The following SHANK2 variants were observed in gnomAD, a reference collection of about 807,000 sequenced individuals.
SHANK2 encodes the protein SH3 and multiple ankyrin repeat domains 2.
A neutral mutation model predicts 133.7 loss-of-function variants in SHANK2; 43 were observed. The ratio of observed to expected loss-of-function variants is 0.32; its 90% CI spans 0.25 to 0.41. The LOEUF is 0.41. Ranked by LOEUF, SHANK2 falls within the 10% of genes least tolerant of loss-of-function variation. SHANK2 has a pLI of 1.00. For missense variants in SHANK2, 1,994 were observed against 2,235.8 expected, an observed-to-expected ratio of 0.89 and a Z score of 2.18; for synonymous variants, 1,017 against 952.8, an observed-to-expected ratio of 1.07 and a Z score of -1.24.
chr11:71,237,393 A>G (rs1555123849), intron 1 of SHANK2, among the ~76,000 whole-genome samples: 2 of 152,176 alleles, frequency 1.3e-5, no homozygotes, highest in African/African-American at 4.8e-5. Flanking sequence ...ATTGCCTTTG[A>G]CCACTGTTTT....
At chr11:70,783,526 A>G (rs880002905) in intron 14 of SHANK2, among the ~76,000 whole-genome samples, 6 of 152,162 alleles carry the variant, frequency 3.9e-5, no homozygotes, top group Non-Finnish European at 8.8e-5. Flanking sequence ...GCACACGCCA[A>G]TCCTGTCTCC....
intron 17 of SHANK2, among the ~76,000 whole-genome samples, chr11:70,550,053 C>T (rs1234323524): frequency 6.6e-6 from 1 of 152,134 alleles, no homozygotes; most frequent in Non-Finnish European, 1.5e-5. Flanking sequence ...GGCCACCACC[C>T]CAGAAGCCAG....
intron 12 of SHANK2, among the ~76,000 whole-genome samples, chr11:70,816,286 T>C (rs1270025787): frequency 6.6e-6 from 1 of 152,234 alleles, no homozygotes; most frequent in Non-Finnish European, 1.5e-5. Flanking sequence ...AGCAAGTGAC[T>C]TGCCCAAGGT....
At chr11:70,876,241 T>TATATACACACAC in intron 11 of SHANK2, among the ~76,000 whole-genome samples, 1 of 14,864 alleles carries the variant, frequency 6.7e-5, no homozygotes, top group Non-Finnish European at 3.3e-4. Flanking sequence ...CACACACATA[T>TATATACACACAC]AGACACACAC....
intron 8 of SHANK2, among the ~76,000 whole-genome samples, chr11:71,077,770 G>GGGCTCTGCACACAC (rs1431829541): frequency 4.1e-4 from 63 of 152,210 alleles, no homozygotes; most frequent in African/African-American, 1.4e-3. Context: ...GCTGCACGCA[G>GGGCTCTGCACACAC]GGCTCTGCAC....
intron 2 of SHANK2, among the ~76,000 whole-genome samples, chr11:71,178,366 C>T (rs1332445647): frequency 6.6e-6 from 1 of 152,136 alleles, no homozygotes; most frequent in Non-Finnish European, 1.5e-5. Context: ...ATATGAGGTA[C>T]CTAGAATAGC....
At chr11:70,657,018 A>G (rs1555011794) in intron 17 of SHANK2, among the ~76,000 whole-genome samples, 2 of 152,244 alleles carry the variant, frequency 1.3e-5, no homozygotes, top group East Asian at 3.9e-4. Context: ...ATGAAGTTCT[A>G]GAGATACCAA....
intron 14 of SHANK2, among the ~76,000 whole-genome samples, chr11:70,750,536 G>T (rs1018574057): frequency 6.6e-6 from 1 of 152,192 alleles, no homozygotes; most frequent in Non-Finnish European, 1.5e-5. Flanking sequence ...GCAAAGCAGG[G>T]AAATTAATTA....
rs569519830 is a variant in SHANK2, at chr11:70,469,626, A to G, written c.*3243T>C. ...TTACACAAACTATAGTGTGAAACAT[A>G]TTAGTATTTAAAAAACAAAAAAAAA... On this transcript the variant is annotated 3_prime_UTR_variant, in exon 26 of 26. Transcript: ENST00000601538. The G allele has an allele frequency of 2.0e-5, 3 of 152,606 alleles. No homozygotes were observed. The South Asian group carries it at 6.2e-4, about 32-fold the overall frequency. The allele number at this position is 152,606 out of a possible 1,614,324, so 9.5% of individuals were successfully genotyped here.
rs1217012371 is a variant in SHANK2, at chr11:71,252,251, C to T, written c.-113+174G>A. ...CCCCCACCTGGACACGCGGCTCACT[C>T]CCCCCAGCGCCCACCTCTCCAGCCT... On this transcript the variant is annotated intron_variant, in intron 1 of 25. Coordinates refer to ENST00000601538, the MANE Select transcript of SHANK2 (RefSeq NM_012309.5). This position sits in a 1 kb window ranked among gnomAD's most constrained non-coding sequence, Gnocchi z 6.3. Among the ~76,000 whole-genome samples the T allele has an allele frequency of 1.3e-5, 2 of 152,096 alleles. No individual in the cohort carries two copies. Among genetic ancestry groups the T allele is most frequent in the Non-Finnish European group, 2.9e-5 (2 of 67,994 alleles).
chr11:71,108,259 C>T (rs1352159241), intron 6 of SHANK2, among the ~76,000 whole-genome samples: 3 of 152,220 alleles, frequency 2.0e-5, no homozygotes, highest in Non-Finnish European at 4.4e-5. Context: ...CAGCGCAGCA[C>T]GAGACGCATC....
At chr11:70,782,472 CT>C (rs1287863971) in intron 14 of SHANK2, among the ~76,000 whole-genome samples, 6 of 152,236 alleles carry the variant, frequency 3.9e-5, no homozygotes, top group Non-Finnish European at 8.8e-5. Context: ...CCCAGTCGAG[CT>C]GCCCTGCTGT....
At chr11:70,705,874 C>T (rs553606707) in intron 14 of SHANK2, 1 of 152,174 alleles carries the variant, frequency 6.6e-6, no homozygotes, top group African/African-American at 2.4e-5. Flanking sequence ...TGCTTCCATG[C>T]TTGCCCTTCC....
intron 2 of SHANK2, among the ~76,000 whole-genome samples, chr11:71,167,740 C>T (rs1308919303): frequency 3.7e-5 from 5 of 135,212 alleles, no homozygotes; most frequent in Admixed American, 1.4e-4. Flanking sequence ...CCAGTAGGGG[C>T]GGCCGGGCAG....
intron 14 of SHANK2, among the ~76,000 whole-genome samples, chr11:70,701,793 A>G (rs1169035990): frequency 2.6e-5 from 4 of 152,192 alleles, no homozygotes; most frequent in African/African-American, 9.7e-5. Context: ...TGGTTCCCAG[A>G]AACAGTTATA....
At chr11:70,841,432 C>T (rs1948902753) in intron 11 of SHANK2, among the ~76,000 whole-genome samples, 1 of 152,210 alleles carries the variant, frequency 6.6e-6, no homozygotes, top group Non-Finnish European at 1.5e-5. Flanking sequence ...GCAGAGGAGT[C>T]CAAGGTTCAG....
intron 8 of SHANK2, among the ~76,000 whole-genome samples, chr11:71,079,887 G>A (rs1590889364): frequency 2.7e-5 from 2 of 75,178 alleles, no homozygotes; most frequent in East Asian, 1.3e-3. Flanking sequence ...GAGGGGAGGG[G>A]AGGGGAAGGA....
At chr11:70,749,550 A>G (rs911333536) in intron 14 of SHANK2, among the ~76,000 whole-genome samples, 1 of 152,380 alleles carries the variant, frequency 6.6e-6, no homozygotes, top group Middle Eastern at 3.4e-3. Flanking sequence ...TTCTCAAGAG[A>G]AAAGACAAGA....
rs1555072640 is a variant in SHANK2 at position 70,882,641 on chromosome 11, C to T, written c.1174+13860G>A. Among the ~76,000 whole-genome samples, 1 of 152,136 alleles carries T rather than the reference C, an allele frequency of 6.6e-6. No homozygotes were observed. The highest frequency in any genetic ancestry group is 1.5e-5 in the Non-Finnish European group (1 of 68,018). On this transcript the variant is annotated intron_variant, in intron 11 of 25. Coordinates refer to ENST00000601538, the MANE Select transcript of SHANK2 (RefSeq NM_012309.5). This position sits in a 1 kb window ranked among gnomAD's most constrained non-coding sequence, Gnocchi z 4.2. ...TAGGGCAGACCCCAAAACTTGCTTG[C>T]AAAATCAGCCAGGAGCACAGGGGTG...
Sources: allele counts gnomAD v4.1 joint callset (sites outside exome capture counted in the v4.1 genomes callset), GRCh38; gene constraint gnomAD v4.1.1; non-coding constraint Gnocchi (gnomAD v3.1); transcripts MANE v1.5; gene names NCBI Gene and HGNC (gene_info 2026-07-23, HGNC 2026-07-21).